PRAG1: variants seen among roughly 807,000 people sequenced by gnomAD.
The protein encoded by PRAG1 is inactive tyrosine-protein kinase PRAG1.
PRAG1 carries 110 observed loss-of-function variants against 95.6 expected under a neutral mutation model. The ratio of observed to expected loss-of-function variants is 1.15; its 90% CI spans 0.99 to 1.35. The LOEUF (loss-of-function observed/expected upper bound fraction) is 1.35. Ranked by LOEUF, PRAG1 falls within the 40% of genes most tolerant of loss-of-function variation. The pLI, the probability that PRAG1 is intolerant of heterozygous loss-of-function variation, is 0.00. For missense variants in PRAG1, 2,554 were observed against 1,864.7 expected, an observed-to-expected ratio of 1.37 and a Z score of -6.81; for synonymous variants, 1,052 against 819.4, an observed-to-expected ratio of 1.28 and a Z score of -4.85.
rs79989929 is a variant in PRAG1 at position 8,370,468 on chromosome 8, C to T, written c.2162+5779G>A. On this transcript the variant is annotated intron_variant, in intron 3 of 5. Coordinates refer to ENST00000615670, the MANE Select transcript of PRAG1 (RefSeq NM_001080826.3). ...TGGCTAAACACAGTCCATGAAGATTCTCTAAATACAGTGCTTCCTAATACA... is the reference window on the plus strand; with the variant it reads ...TGGCTAAACACAGTCCATGAAGATTTTCTAAATACAGTGCTTCCTAATACA... 3.9e-3 allele frequency among the ~76,000 whole-genome samples: 588 copies of T among 152,318 alleles called. 2 individuals carry two copies. Among genetic ancestry groups the T allele is most frequent in the Non-Finnish European group, 5.5e-3 (372 of 68,022 alleles).
intron 2 of PRAG1, among the ~76,000 whole-genome samples, chr8:8,380,654 G>T (rs750790647): frequency 1.1e-4 from 16 of 151,960 alleles, no homozygotes; most frequent in Non-Finnish European, 2.1e-4. Flanking sequence ...AAGAGATCGA[G>T]ACCATCCTGG....
In PRAG1 at chr8:8,378,018, C is replaced by T. The variant is rs750426545; in HGVS notation, c.391G>A (p.Val131Ile). ...ACACCTCGGAAGCTGCCCAGGTAGA[C>T]GACGGGGGCATCCTCCTGCTTCGGG... ...PLPKQEDAPV[V>I]YLGSFRGVQK... is the part of the protein sequence containing the mutation. The change falls in exon 3 of 6, where the codon GTC becomes ATC. Residue 131 changes from valine to isoleucine, a missense_variant. Val to Ile is a conservative substitution (Grantham distance 29, BLOSUM62 3). Coordinates refer to ENST00000615670, the MANE Select transcript of PRAG1 (RefSeq NM_001080826.3). The T allele has an allele frequency of 8.2e-6, 13 of 1,582,582 alleles. No homozygotes were observed. Among genetic ancestry groups the T allele is most frequent in the Admixed American group, 1.8e-5 (1 of 56,870 alleles).
chr8:8,366,806 T>C (rs1306294923), intron 3 of PRAG1, among the ~76,000 whole-genome samples: 1 of 152,018 alleles, frequency 6.6e-6, no homozygotes, highest in Non-Finnish European at 1.5e-5. Context: ...GCCTCCCAAG[T>C]AGCTGTAACT....
chr8:8,349,380 A>C (rs905253105), intron 3 of PRAG1, among the ~76,000 whole-genome samples: 1 of 152,044 alleles, frequency 6.6e-6, no homozygotes. Flanking sequence ...TCCCGGGTTC[A>C]CGCCATTCTC....
chr8:8,322,787 C>A (rs890227546), intron 5 of PRAG1, among the ~76,000 whole-genome samples: 6 of 152,184 alleles, frequency 3.9e-5, no homozygotes, highest in South Asian at 2.1e-4. Context: ...AACCAAGTGC[C>A]AATCAGAAAA....
rs780515968 is a variant in PRAG1, at chr8:8,377,501, C to T, written c.908G>A (p.Arg303Gln). ...KCSGPAEQEKRGPSFPKECCS... is the reference protein window; with the variant it reads ...KCSGPAEQEKQGPSFPKECCS... ...GCACTCCTTGGGGAAGCTCGGGCCC[C>T]GCTTCTCCTGCTCTGCGGGCCCGGA... The change falls in exon 3 of 6, where the codon CGG (arginine) becomes CAG (glutamine). Residue 303 changes from arginine (R) to glutamine (Q), a missense_variant. Coordinates refer to ENST00000615670, the MANE Select transcript of PRAG1 (RefSeq NM_001080826.3). The T allele has an allele frequency of 2.4e-5, 38 of 1,556,502 alleles. No individual in the cohort carries two copies. The highest frequency in any genetic ancestry group is 2.1e-4 in the South Asian group (17 of 81,212).
chr8:8,332,313 C>A (rs1273642581), intron 4 of PRAG1, among the ~76,000 whole-genome samples: 3 of 149,266 alleles, frequency 2.0e-5, no homozygotes, highest in African/African-American at 7.7e-5. Flanking sequence ...AAGCACCCAC[C>A]ATCACGCCCA....
chr8:8,346,683 A>G (rs1236629728), intron 3 of PRAG1, among the ~76,000 whole-genome samples: 1 of 152,202 alleles, frequency 6.6e-6, no homozygotes, highest in African/African-American at 2.4e-5. Flanking sequence ...GAATGCCCAC[A>G]ATCCTTAACG....
Position 8,318,255 on chromosome 8 carries a change from T to A in PRAG1, c.4120A>T (p.Arg1374Trp), listed in dbSNP as rs905354793. The A allele has an allele frequency of 1.2e-6, 2 of 1,614,046 alleles. No individual in the cohort carries two copies. Among genetic ancestry groups the A allele is most frequent in the Admixed American group, 3.3e-5 (2 of 60,008 alleles). The change falls in exon 6 of 6, where the codon AGG (arginine) becomes TGG (tryptophan). Residue 1374 changes from arginine (R) to tryptophan (W), a missense_variant. Physicochemically the swap from Arg to Trp is moderately radical, Grantham distance 101. Transcript: ENST00000615670. The surrounding 1 kb of genome is among the most constrained non-coding windows in gnomAD (Gnocchi z 4.2). ...CAGTCCTCCAGCTCCACGCCCCGCC[T>A]GCGATCCACCGCCTTCTCCGCAAAC... is the stretch of plus-strand genomic sequence containing the variant. ...MKFAEKAVDRRRGVELEDWLC... is the reference protein window; with the variant it reads ...MKFAEKAVDRWRGVELEDWLC...
chr8:8,328,418 C>T lies in PRAG1; in HGVS notation c.2364G>A (p.Lys788=). The change falls in exon 5 of 6, where the codon AAG becomes AAA. Residue 788 remains lysine, a synonymous_variant. Transcript: ENST00000615670. ...GAAACGGAACGGGAGCAAAGAGCTT[C>T]TTCCCGCTGTTGGTGGGCGAGTGAG... ...ELAHSPTNSG[K]KLFAPVPFPS... 1 of 1,613,780 alleles carries T rather than the reference C, an allele frequency of 6.2e-7. No individual in the cohort carries two copies. The highest frequency in any genetic ancestry group is 1.3e-5 in the African/African-American group (1 of 75,036).
chr8:8,350,026 G>C (rs900895297), intron 3 of PRAG1, among the ~76,000 whole-genome samples: 1 of 151,656 alleles, frequency 6.6e-6, no homozygotes, highest in Non-Finnish European at 1.5e-5. Flanking sequence ...TTTCAGTCAA[G>C]GATAAAAATT....
intron 3 of PRAG1, among the ~76,000 whole-genome samples, chr8:8,356,044 C>A (rs890584994): frequency 6.6e-6 from 1 of 152,116 alleles, no homozygotes; most frequent in Non-Finnish European, 1.5e-5. Flanking sequence ...ACGTTAATGT[C>A]CAAAACTTAT....
chr8:8,333,353 C>T (rs1264407774), intron 4 of PRAG1, among the ~76,000 whole-genome samples: 1 of 152,142 alleles, frequency 6.6e-6, no homozygotes, highest in Non-Finnish European at 1.5e-5. Context: ...ACGCTCCATG[C>T]CTTTAGCGAA....
chr8:8,380,009 G>A (rs1006502109), intron 2 of PRAG1, among the ~76,000 whole-genome samples: 1 of 152,180 alleles, frequency 6.6e-6, no homozygotes, highest in Non-Finnish European at 1.5e-5. Flanking sequence ...GGGAGGCTGA[G>A]GCAGATGGAC....
At chr8:8,371,058 C>T (rs1231694990) in intron 3 of PRAG1, among the ~76,000 whole-genome samples, 2 of 150,422 alleles carry the variant, frequency 1.3e-5, no homozygotes, top group African/African-American at 4.9e-5. Context: ...ATCGCTTGAA[C>T]CCGGGAGGCG....
chr8:8,335,460 A>C (rs1798955603), intron 4 of PRAG1, among the ~76,000 whole-genome samples: 1 of 152,228 alleles, frequency 6.6e-6, no homozygotes, highest in Non-Finnish European at 1.5e-5. Context: ...TACAGAAAAA[A>C]ATCTTAAAAG....
At chr8:8,369,346 G>T (rs966433973) in intron 3 of PRAG1, among the ~76,000 whole-genome samples, 1 of 152,144 alleles carries the variant, frequency 6.6e-6, no homozygotes, top group East Asian at 1.9e-4. Context: ...AGATGCAAAC[G>T]TGGACCCATT....
intron 3 of PRAG1, among the ~76,000 whole-genome samples, chr8:8,368,362 T>C (rs1800080080): frequency 6.6e-6 from 1 of 152,214 alleles, no homozygotes; most frequent in Admixed American, 6.5e-5. Flanking sequence ...CAGAGTTGTA[T>C]GGGAATAGTA....
chr8:8,319,968 G>A (rs937425341), intron 5 of PRAG1, among the ~76,000 whole-genome samples: 6 of 152,210 alleles, frequency 3.9e-5, no homozygotes, highest in African/African-American at 1.4e-4. Flanking sequence ...GCAGAAATGG[G>A]AAACCTCAGA....
Sources: allele counts gnomAD v4.1 joint callset (sites outside exome capture counted in the v4.1 genomes callset), GRCh38; gene constraint gnomAD v4.1.1; non-coding constraint Gnocchi (gnomAD v3.1); transcripts MANE v1.5; gene names NCBI Gene and HGNC (gene_info 2026-07-23, HGNC 2026-07-21).